Variants in RPS6KA6 observed in about 807,000 individuals in gnomAD.
The protein encoded by RPS6KA6 is ribosomal protein S6 kinase A6.
RPS6KA6 carries 27 observed loss-of-function variants against 65.4 expected under a neutral mutation model. The observed-to-expected ratio is 0.41, with a 90% CI of 0.30 to 0.57. The LOEUF (loss-of-function observed/expected upper bound fraction) is 0.57. Among genes scored for constraint, RPS6KA6 ranks in the 20% least tolerant of loss-of-function variants. The pLI, the probability that RPS6KA6 is intolerant of heterozygous loss-of-function variation, is 0.24. For missense variants in RPS6KA6, 486 were observed against 555.6 expected, an observed-to-expected ratio of 0.87 and a Z score of 1.26; for synonymous variants, 190 against 184.2, an observed-to-expected ratio of 1.03 and a Z score of -0.26.
upstream of RPS6KA6, among the ~76,000 whole-genome samples, chrX:84,188,230 C>A (rs976956654): frequency 8.9e-6 from 1 of 112,064 alleles, no homozygotes; most frequent in Non-Finnish European, 1.9e-5. Context: ...CGGGTCCCCT[C>A]CCCGCTCCCT....
intron 18 of RPS6KA6, among the ~76,000 whole-genome samples, chrX:84,099,774 G>A (rs1191333224): frequency 9.0e-6 from 1 of 111,026 alleles, no homozygotes; most frequent in Admixed American, 9.6e-5. Context: ...CATAGGTATA[G>A]TAGAAAAGCA....
At chrX:84,123,650 G>C (rs1464173708) in intron 8 of RPS6KA6, among the ~76,000 whole-genome samples, 9 of 112,261 alleles carry the variant, frequency 8.0e-5, no homozygotes, top group Admixed American at 3.8e-4. Context: ...ATTATGGTCT[G>C]AGTGCCAGCT....
intron 19 of RPS6KA6, among the ~76,000 whole-genome samples, chrX:84,097,379 T>A (rs2034178566): frequency 3.6e-5 from 4 of 110,357 alleles, no homozygotes; most frequent in African/African-American, 1.3e-4. Context: ...ACAATCTTAC[T>A]AAATCTCTAG....
At chrX:84,124,151 C>T (rs375037544) in intron 8 of RPS6KA6, among the ~76,000 whole-genome samples, 8 of 111,386 alleles carry the variant, frequency 7.2e-5, no homozygotes, top group South Asian at 3.8e-4. Context: ...CAACTCCCAG[C>T]GAATACCTGT....
Position 84,105,698 on chromosome X carries a change from T to C in RPS6KA6, c.1455+89A>G, listed in dbSNP as rs981789793. On this transcript the variant is annotated intron_variant, in intron 16 of 21. Coordinates refer to ENST00000262752, the MANE Select transcript of RPS6KA6 (RefSeq NM_014496.5). ...TTTTGAGGCATGAAAATAAATATGC[T>C]AAAGACATTAAAAGTTTCAATAAGA... 3 of 490,106 alleles carry C rather than the reference T, an allele frequency of 6.1e-6. No homozygotes were observed. The African/African-American group carries it at 7.4e-5, about 12-fold the overall frequency. 40.4% of individuals were successfully genotyped at this position (490,106 alleles called of 1,213,427 possible).
intron 14 of RPS6KA6, among the ~76,000 whole-genome samples, chrX:84,106,700 T>A (rs1354977850): frequency 9.0e-6 from 1 of 111,432 alleles, no homozygotes; most frequent in East Asian, 2.8e-4. Context: ...ACCCTTCTAT[T>A]TTATTCAAAA....
intron 2 of RPS6KA6, among the ~76,000 whole-genome samples, chrX:84,160,995 G>A (rs1324808966): frequency 9.0e-6 from 1 of 110,621 alleles, no homozygotes; most frequent in Non-Finnish European, 1.9e-5. Context: ...TTCTACTTAC[G>A]AGGGTCAGCT....
At position 84,107,732 on chromosome X, in the gene RPS6KA6, G is replaced by C; in HGVS notation, c.1009-7C>G. The C allele has an allele frequency of 2.0e-6, 2 of 998,483 alleles. No individual in the cohort carries two copies. The highest frequency in any genetic ancestry group is 2.8e-6 in the Non-Finnish European group (2 of 710,539). 82.3% of individuals were successfully genotyped at this position (998,483 alleles called of 1,213,427 possible). On this transcript the variant is annotated splice_polypyrimidine_tract_variant and splice_region_variant and intron_variant, in intron 12 of 21. Coordinates refer to ENST00000262752, the MANE Select transcript of RPS6KA6 (RefSeq NM_014496.5). ...CTTCTCTTTTATATAATTTCTAGAA[G>C]GGACAACCAGATAACACAAAACGTA...
At chrX:84,108,553 G>A (rs1012574635) in intron 12 of RPS6KA6, among the ~76,000 whole-genome samples, 3 of 111,810 alleles carry the variant, frequency 2.7e-5, no homozygotes, top group Admixed American at 1.9e-4. Flanking sequence ...GTGGAGCCAG[G>A]AGATCTTCGA....
At chrX:84,148,875 A>G (rs1352971084) in intron 3 of RPS6KA6, among the ~76,000 whole-genome samples, 1 of 111,124 alleles carries the variant, frequency 9.0e-6, no homozygotes, top group East Asian at 2.8e-4. Flanking sequence ...AAAATAAGAC[A>G]ATGATGAAGT....
chrX:84,092,965 T>C (rs1163686965), intron 20 of RPS6KA6, among the ~76,000 whole-genome samples: 1 of 111,781 alleles, frequency 8.9e-6, no homozygotes, highest in African/African-American at 3.3e-5. Context: ...ATAAAGAAAA[T>C]ATAGTGTGTA....
intron 1 of RPS6KA6, among the ~76,000 whole-genome samples, chrX:84,183,035 C>T (rs777703360): frequency 1.8e-5 from 2 of 111,950 alleles, no homozygotes; most frequent in South Asian, 7.4e-4. Context: ...ATTCTAAGCA[C>T]GATCAGAAAC....
chrX:84,180,519 T>TAC (rs1331062249), intron 1 of RPS6KA6, among the ~76,000 whole-genome samples: 41 of 112,173 alleles, frequency 3.7e-4, no homozygotes, highest in Admixed American at 3.8e-4. Context: ...TACCACATTG[T>TAC]CTTTATTATA....
rs181390000 is a variant in RPS6KA6, at chrX:84,093,079, G to A, written c.1971+3115C>T. Among the ~76,000 whole-genome samples, 247 of 112,147 alleles carry A rather than the reference G, an allele frequency of 2.2e-3. 1 individual carries two copies. Among genetic ancestry groups the A allele is most frequent in the African/African-American group, 7.5e-3 (233 of 30,944 alleles). Reference sequence around the variant, plus strand: ...ACATTGTGTTAAGTGAAACAGCCAGGCACAGAAAGACAAATATCACATGAT... The same window carrying A: ...ACATTGTGTTAAGTGAAACAGCCAGACACAGAAAGACAAATATCACATGAT... On this transcript the variant is annotated intron_variant, in intron 20 of 21. Transcript: ENST00000262752.
intron 1 of RPS6KA6, among the ~76,000 whole-genome samples, chrX:84,178,480 GAA>G (rs1243805646): frequency 2.7e-5 from 3 of 111,665 alleles, no homozygotes; most frequent in Non-Finnish European, 5.7e-5. Context: ...TTTTAACAAA[GAA>G]TATTTCACTA....
intron 20 of RPS6KA6, among the ~76,000 whole-genome samples, chrX:84,066,804 C>T (rs180750602): frequency 6.3e-5 from 7 of 111,942 alleles, no homozygotes; most frequent in Admixed American, 5.7e-4. Context: ...AAAGTGGGTC[C>T]CTGACCCCTG....
intron 8 of RPS6KA6, among the ~76,000 whole-genome samples, chrX:84,129,155 T>G (rs2034848181): frequency 9.0e-6 from 1 of 111,056 alleles, no homozygotes; most frequent in Admixed American, 9.6e-5. Context: ...CAGGAAAAAG[T>G]CTAATAATCC....
At chrX:84,120,091 G>A in intron 8 of RPS6KA6, 64 bp from the exon 9 acceptor site, 1 of 847,195 alleles carries the variant, frequency 1.2e-6, no homozygotes, top group Non-Finnish European at 1.6e-6. Flanking sequence ...AACGTCAAAA[G>A]AAACAAAATA....
intron 9 of RPS6KA6, among the ~76,000 whole-genome samples, chrX:84,118,168 A>G (rs746858893): frequency 8.9e-6 from 1 of 112,146 alleles, no homozygotes; most frequent in South Asian, 3.7e-4. Context: ...CTTAGATTCA[A>G]TAATGGCTTT....
Sources: allele counts gnomAD v4.1 joint callset (sites outside exome capture counted in the v4.1 genomes callset), GRCh38; gene constraint gnomAD v4.1.1; transcripts MANE v1.5; gene names NCBI Gene and HGNC (gene_info 2026-07-23, HGNC 2026-07-21).